UBASH3A: variants seen among roughly 807,000 people sequenced by gnomAD.
UBASH3A encodes ubiquitin-associated and SH3 domain-containing protein A.
In UBASH3A, 63 loss-of-function variants were observed where a neutral mutation model predicts 73.5. That is an observed-to-expected ratio of 0.86 (90% CI 0.70 to 1.06). The LOEUF (loss-of-function observed/expected upper bound fraction) is 1.06. Ranked by LOEUF, UBASH3A falls within the 50% of genes least tolerant of loss-of-function variation. UBASH3A has a pLI of 0.00. For synonymous variants in UBASH3A, 363 were observed against 351.1 expected (o/e 1.03, Z -0.38); for missense variants, 860 against 859.0 (o/e 1.00, Z -0.02).
rs764290393 is a variant in UBASH3A at position 42,447,069 on chromosome 21, G to T, written c.1861G>T (p.Gly621Cys). 11 of 1,613,812 alleles carry T rather than the reference G, an allele frequency of 6.8e-6. No individual in the cohort carries two copies. In the African/African-American group the frequency reaches 9.3e-5, roughly 14 times the overall value. Residue 621 changes from glycine to cysteine, a missense_variant, in exon 15 of 15, where the codon GGC becomes TGC. By Grantham distance (159) the Gly-to-Cys change is radical. Coordinates refer to ENST00000319294, the MANE Select transcript of UBASH3A (RefSeq NM_018961.4). ...AQLVRKIPSLGMCFCEENKEE... is the reference protein window; with the variant it reads ...AQLVRKIPSLCMCFCEENKEE... ...AACTCTGTTCCAGATCCCTTCCCTG[G>T]GCATGTGCTTCTGTGAAGAAAATAA...
At chr21:42,429,481 C>T (rs1220702302) in intron 8 of UBASH3A, among the ~76,000 whole-genome samples, 1 of 152,158 alleles carries the variant, frequency 6.6e-6, no homozygotes, top group Non-Finnish European at 1.5e-5. Flanking sequence ...GCTCTGAGCT[C>T]TTCCAGGAAG....
chr21:42,435,072 TC>T, intron 10 of UBASH3A, 118 bp downstream of exon 10: 1 of 1,330,910 alleles, frequency 7.5e-7, no homozygotes. Flanking sequence ...TAGCTTTGTC[TC>T]CAGTCTGCTG....
chr21:42,437,521 G>T lies in UBASH3A; in HGVS notation c.1427G>T (p.Ser476Ile), dbSNP rs370339704. 4.2e-5 allele frequency: 68 copies of T among 1,614,226 alleles called. No individual in the cohort carries two copies. In the African/African-American group the frequency reaches 8.7e-4, roughly 21 times the overall value. Residue 476 changes from serine (S) to isoleucine (I), a missense_variant, in exon 11 of 15, where the codon AGC becomes ATC. Ser to Ile is a moderately radical substitution (Grantham distance 142). Coordinates refer to ENST00000319294, the MANE Select transcript of UBASH3A (RefSeq NM_018961.4). ...CTACTGGACAGTGGTATCAGAATCA[G>T]CTCTGTGTTTGCCTCCCCAGCCCTC... ...DALLDSGIRI[S>I]SVFASPALRC... is the part of the protein sequence containing the mutation.
At chr21:42,440,628 T>C (rs2053724170) in intron 11 of UBASH3A, among the ~76,000 whole-genome samples, 1 of 152,220 alleles carries the variant, frequency 6.6e-6, no homozygotes, top group Non-Finnish European at 1.5e-5. Flanking sequence ...TTTCTGCCAC[T>C]GGCTGGCCGC....
chr21:42,444,408 C>T (rs1010507292), intron 13 of UBASH3A, 126 bp from the exon 14 acceptor site: 2 of 730,052 alleles, frequency 2.7e-6, no homozygotes, highest in Non-Finnish European at 2.4e-6. Flanking sequence ...ACTTCTAGCC[C>T]GGGGGTCTCG....
rs990716204 is a variant in UBASH3A at position 42,432,969 on chromosome 21, C to CT, written c.1270+774dup. On this transcript the variant is annotated intron_variant, in intron 9 of 14. Coordinates refer to ENST00000319294, the MANE Select transcript of UBASH3A (RefSeq NM_018961.4). Reference sequence around the variant, plus strand: ...GATGCATTAACAAACATATAAGAAACTTTTTTTCAATAAAACAGTTTTTTT... The same window carrying CT: ...GATGCATTAACAAACATATAAGAAACTTTTTTTTCAATAAAACAGTTTTTTT... Among the ~76,000 whole-genome samples, 12 of 152,256 alleles carry CT rather than the reference C, an allele frequency of 7.9e-5. No individual in the cohort carries two copies. The East Asian group carries it at 2.3e-3, about 29-fold the overall frequency.
intron 6 of UBASH3A, 52 bp downstream of exon 6, chr21:42,416,663 G>C (rs774409863): frequency 7.0e-6 from 10 of 1,423,000 alleles, no homozygotes; most frequent in Non-Finnish European, 9.2e-6. Flanking sequence ...GGCTGGGCTC[G>C]GTGGCTCACG....
At chr21:42,411,937 C>G (rs546656524) in intron 3 of UBASH3A, among the ~76,000 whole-genome samples, 3 of 152,174 alleles carry the variant, frequency 2.0e-5, no homozygotes, top group Non-Finnish European at 2.9e-5. Context: ...GAATGTCAGG[C>G]CGGCCTGTCC....
chr21:42,442,941 A>G (rs893173395), intron 12 of UBASH3A, among the ~76,000 whole-genome samples: 1 of 152,202 alleles, frequency 6.6e-6, no homozygotes, highest in Non-Finnish European at 1.5e-5. Flanking sequence ...TGTCGAAGGT[A>G]GGAGGTTCTT....
intron 3 of UBASH3A, among the ~76,000 whole-genome samples, chr21:42,411,964 T>C (rs1457458405): frequency 2.0e-5 from 3 of 152,134 alleles, no homozygotes; most frequent in Non-Finnish European, 1.5e-5. Context: ...AGACGGAAGC[T>C]GCATTAAACA....
At chr21:42,414,165 A>G (rs1210088229) in intron 5 of UBASH3A, among the ~76,000 whole-genome samples, 1 of 152,164 alleles carries the variant, frequency 6.6e-6, no homozygotes, top group African/African-American at 2.4e-5. Flanking sequence ...ACGAGGCCGC[A>G]GTGCCTTGGT....
chr21:42,404,359 GT>G (rs771367821), intron 1 of UBASH3A, among the ~76,000 whole-genome samples: 101 of 151,482 alleles, frequency 6.7e-4, no homozygotes, highest in African/African-American at 7.5e-4. Flanking sequence ...ACACAAATTG[GT>G]AAACTTTCTT....
In UBASH3A at chr21:42,423,200, T is replaced by TTCAACCAACAGTCATGGCCA. The variant is rs569310763; in HGVS notation, c.1047-3494_1047-3475dup. Among the ~76,000 whole-genome samples, 853 of 152,290 alleles carry TTCAACCAACAGTCATGGCCA rather than the reference T, an allele frequency of 5.6e-3. 5 individuals carry two copies. Among genetic ancestry groups the TTCAACCAACAGTCATGGCCA allele is most frequent in the African/African-American group, 0.019 (794 of 41,530 alleles). On this transcript the variant is annotated intron_variant, in intron 7 of 14. Transcript: ENST00000319294. ...CATCCAGTGAGAAAACAGACACACA[T>TTCAACCAACAGTCATGGCCA]TCAACCAACAGTCATGGCCATCCCA...
chr21:42,445,304 C>G (rs1282657013), intron 14 of UBASH3A, among the ~76,000 whole-genome samples: 2 of 152,252 alleles, frequency 1.3e-5, no homozygotes, highest in East Asian at 3.8e-4. Context: ...GCTGGACTCA[C>G]CACAGTCCTG....
intron 11 of UBASH3A, among the ~76,000 whole-genome samples, chr21:42,439,738 CCCACACACA>C (rs1372465734): frequency 1.4e-5 from 2 of 142,942 alleles, no homozygotes; most frequent in Non-Finnish European, 3.1e-5. Flanking sequence ...ACCACACACA[CCCACACACA>C]CCACACACAC....
chr21:42,434,846 C>T lies in UBASH3A; in HGVS notation c.1285C>T (p.Pro429Ser). 6.2e-7 allele frequency: 1 copy of T among 1,613,972 alleles called. No individual in the cohort carries two copies. The highest frequency in any genetic ancestry group is 8.5e-7 in the Non-Finnish European group (1 of 1,179,926). ...CSTPDGKYYR[P>S]DLNFPCSLPR... ...TTATACTTCAGGGAAATACTACAGGCCAGACCTGAATTTCCCCTGCAGTCT... is the reference window on the plus strand; with the variant it reads ...TTATACTTCAGGGAAATACTACAGGTCAGACCTGAATTTCCCCTGCAGTCT... The change falls in exon 10 of 15, where the codon CCA (proline) becomes TCA (serine). Residue 429 changes from proline to serine, a missense_variant. Coordinates refer to ENST00000319294, the MANE Select transcript of UBASH3A (RefSeq NM_018961.4).
At chr21:42,433,513 C>T (rs1354880370) in intron 9 of UBASH3A, among the ~76,000 whole-genome samples, 2 of 152,162 alleles carry the variant, frequency 1.3e-5, no homozygotes, top group Non-Finnish European at 2.9e-5. Flanking sequence ...TGAGCTCTGC[C>T]CTCTGCCCCC....
Position 42,416,588 on chromosome 21 carries a change from G to A in UBASH3A, c.814G>A (p.Asp272Asn). The change falls in exon 6 of 15, where the codon GAC becomes AAC. Residue 272 changes from aspartate to asparagine, a missense_variant. Coordinates refer to ENST00000319294, the MANE Select transcript of UBASH3A (RefSeq NM_018961.4). ...CQWTAALYSR[D>N]MRFVHYQTLR... ...GTGGACCGCAGCACTCTACTCCCGAGACATGCGCTTTGTGCACTACCAGGT... is the reference window on the plus strand; with the variant it reads ...GTGGACCGCAGCACTCTACTCCCGAAACATGCGCTTTGTGCACTACCAGGT... 1.2e-6 allele frequency: 2 copies of A among 1,601,196 alleles called. No individual in the cohort carries two copies. The highest frequency in any genetic ancestry group is 1.1e-5 in the South Asian group (1 of 89,090).
At position 42,432,183 on chromosome 21, in the gene UBASH3A, G is replaced by A; in HGVS notation, c.1251G>A (p.Gln417=). The A allele has an allele frequency of 6.2e-7, 1 of 1,612,996 alleles. No homozygotes were observed. The highest frequency in any genetic ancestry group is 8.5e-7 in the Non-Finnish European group (1 of 1,179,348). The part of the protein sequence containing the change: ...VDQIFGKAWL[Q]QCSTPDGKYY... ...AGATCTTCGGGAAGGCATGGCTGCA[G>A]CAATGCTCCACTCCTGATGGTAGGT... The change falls in exon 9 of 15, where the codon CAG becomes CAA. Residue 417 remains glutamine (Q), a synonymous_variant. Transcript: ENST00000319294.
Sources: gnomAD v4.1 joint callset for allele counts (sites outside exome capture counted in the v4.1 genomes callset) on GRCh38, gnomAD v4.1.1 for gene constraint, MANE v1.5 for transcripts, NCBI Gene and HGNC (gene_info 2026-07-23, HGNC 2026-07-21) for gene names.